NDUFAF5: variants seen among roughly 807,000 people sequenced by gnomAD.
NDUFAF5 encodes the protein NADH:ubiquinone oxidoreductase complex assembly factor 5, also known as arginine-hydroxylase NDUFAF5, mitochondrial.
In NDUFAF5, 34 loss-of-function variants were observed where a neutral mutation model predicts 48.9. The ratio of observed to expected loss-of-function variants is 0.70; its 90% CI spans 0.53 to 0.93. The LOEUF (loss-of-function observed/expected upper bound fraction) is 0.93. NDUFAF5 is among the 40% of genes least tolerant of loss of function. The probability of loss-of-function intolerance (pLI) is 0.00; values close to 1 mark genes in which losing one functional copy is unlikely to be tolerated. For synonymous variants in NDUFAF5, 153 were observed against 150.6 expected (o/e 1.02, Z -0.12); for missense variants, 428 against 427.5 (o/e 1.00, Z -0.01).
chr20:13,788,014 C>G (rs887586378), intron 2 of NDUFAF5, among the ~76,000 whole-genome samples: 3 of 152,042 alleles, frequency 2.0e-5, no homozygotes, highest in African/African-American at 7.2e-5. Context: ...TCAGACTGAC[C>G]GAATTCAAGT....
chr20:13,795,923 A>G (rs1983137266), intron 5 of NDUFAF5, among the ~76,000 whole-genome samples: 2 of 152,254 alleles, frequency 1.3e-5, no homozygotes, highest in Admixed American at 6.5e-5. Context: ...CATGTAATGC[A>G]AGTATATATC....
chr20:13,796,680 TC>T (rs1213514634), intron 5 of NDUFAF5, among the ~76,000 whole-genome samples: 1 of 151,846 alleles, frequency 6.6e-6, no homozygotes, highest in African/African-American at 2.4e-5. Flanking sequence ...GAGAGTAGGG[TC>T]AAAAGAAAAT....
At chr20:13,802,683 A>AAAG (rs11473821) in intron 7 of NDUFAF5, among the ~76,000 whole-genome samples, 24,092 of 149,024 alleles carry the variant, frequency 0.16, 2,650 homozygotes, top group Non-Finnish European at 0.23. Flanking sequence ...AAAAAAAAAA[A>AAAG]AAAAAAAGCA....
At chr20:13,808,810 T>C (rs1388855521) in intron 7 of NDUFAF5, 32 bp from the exon 8 acceptor site, 2 of 1,426,212 alleles carry the variant, frequency 1.4e-6, no homozygotes, top group South Asian at 2.3e-5. Context: ...ATCATGAATG[T>C]CAAATGAATA....
chr20:13,798,226 C>G (rs751121937), intron 5 of NDUFAF5, among the ~76,000 whole-genome samples: 29 of 152,174 alleles, frequency 1.9e-4, no homozygotes, highest in Non-Finnish European at 3.7e-4. Flanking sequence ...CAGATTCTTT[C>G]AGTTACGCAA....
intron 7 of NDUFAF5, among the ~76,000 whole-genome samples, chr20:13,804,950 G>C (rs1984783252): frequency 6.6e-6 from 1 of 152,132 alleles, no homozygotes; most frequent in African/African-American, 2.4e-5. Context: ...TCTTGAGAGA[G>C]CTAATATAAC....
intron 7 of NDUFAF5, among the ~76,000 whole-genome samples, chr20:13,805,958 T>A (rs1984945070): frequency 6.6e-6 from 1 of 152,114 alleles, no homozygotes; most frequent in African/African-American, 2.4e-5. Flanking sequence ...GTGTTCTAAT[T>A]CATTTTCTAA....
In NDUFAF5 at chr20:13,794,825, T is replaced by G. The variant is rs766520303; in HGVS notation, c.376-13T>G. On this transcript the variant is annotated splice_polypyrimidine_tract_variant and intron_variant, in intron 4 of 10. Transcript: ENST00000378106. ...ATAAATGTGATTTTGATCTTTCGTT[T>G]TCTTAACATTAGAAAAATTCCTCAG... The G allele has an allele frequency of 6.7e-7, 1 of 1,501,000 alleles. No homozygotes were observed. The highest frequency in any genetic ancestry group is 9.3e-7 in the Non-Finnish European group (1 of 1,077,772). 93.0% of individuals were successfully genotyped at this position (1,501,000 alleles called of 1,614,324 possible). A position where few individuals can be genotyped will look rare whatever the true frequency, so the allele number is the denominator to read the frequency against.
chr20:13,821,540 C>CTT lies in NDUFAF5; in HGVS notation c.*4331_*4332dup, dbSNP rs1279767258. Reference sequence around the variant, plus strand: ...ACCTAGCTAAGCCACTCTCAAATATCTTATCTACAGAAACTGAGATGATAA... The same window carrying CTT: ...ACCTAGCTAAGCCACTCTCAAATATCTTTTATCTACAGAAACTGAGATGATAA... On this transcript the variant is annotated 3_prime_UTR_variant, in exon 11 of 11. Coordinates refer to ENST00000378106, the MANE Select transcript of NDUFAF5 (RefSeq NM_024120.5). The CTT allele has an allele frequency of 6.6e-6, 1 of 152,226 alleles. No individual in the cohort carries two copies. The highest frequency in any genetic ancestry group is 6.5e-5 in the Admixed American group (1 of 15,282). 9.4% of individuals were successfully genotyped at this position (152,226 alleles called of 1,614,324 possible).
In NDUFAF5 at chr20:13,817,559, G is replaced by A; in HGVS notation, c.*349G>A. The A allele has an allele frequency of 2.1e-6, 1 of 465,296 alleles. No individual in the cohort carries two copies. Among genetic ancestry groups the A allele is most frequent in the South Asian group, 1.5e-5 (1 of 64,578 alleles). 28.8% of individuals were successfully genotyped at this position (465,296 alleles called of 1,614,324 possible). A position where few individuals can be genotyped will look rare whatever the true frequency, so the allele number is the denominator to read the frequency against. On this transcript the variant is annotated 3_prime_UTR_variant, in exon 11 of 11. Transcript: ENST00000378106. ...TTTGTCATACTGTTTTCTTTGCCTT[G>A]AAGAGGAACAGATGAATATGCACCT...
chr20:13,813,156 G>C (rs1363425420), intron 8 of NDUFAF5, among the ~76,000 whole-genome samples: 1 of 152,174 alleles, frequency 6.6e-6, no homozygotes, highest in Non-Finnish European at 1.5e-5. Context: ...CACCATGTTG[G>C]CCAGGCTGGT....
At chr20:13,795,766 C>T (rs575051226) in intron 5 of NDUFAF5, among the ~76,000 whole-genome samples, 41 of 152,276 alleles carry the variant, frequency 2.7e-4, no homozygotes, top group African/African-American at 9.9e-4. Context: ...CTGCAGTGAG[C>T]CATGATCATG....
At chr20:13,816,319 G>A in intron 8 of NDUFAF5, 144 bp from the exon 9 acceptor site, 1 of 714,592 alleles carries the variant, frequency 1.4e-6, no homozygotes, top group Admixed American at 2.0e-5. Context: ...GTTATAATCT[G>A]AAAGTGAAAT....
chr20:13,803,233 G>A (rs1392771448), intron 7 of NDUFAF5: 1 of 152,200 alleles, frequency 6.6e-6, no homozygotes, highest in Non-Finnish European at 1.5e-5. Context: ...GGAGGACTAG[G>A]CTGGGAACTG....
At chr20:13,814,756 G>A (rs1420487469) in intron 8 of NDUFAF5, among the ~76,000 whole-genome samples, 3 of 152,122 alleles carry the variant, frequency 2.0e-5, no homozygotes, top group African/African-American at 7.2e-5. Flanking sequence ...ATTAGGAGGT[G>A]TTACTCTTTT....
chr20:13,785,059 G>A lies in NDUFAF5; in HGVS notation c.-10G>A. ...ACAAAAAGCGCCGGCAATTGGGGTC[G>A]CAGCTGGAGATGCTGCGGCCGGCAG... On this transcript the variant is annotated 5_prime_UTR_variant, in exon 1 of 11. Coordinates refer to ENST00000378106, the MANE Select transcript of NDUFAF5 (RefSeq NM_024120.5). The A allele has an allele frequency of 6.2e-7, 1 of 1,607,546 alleles. No homozygotes were observed. The highest frequency in any genetic ancestry group is 8.5e-7 in the Non-Finnish European group (1 of 1,178,168).
intron 9 of NDUFAF5, 44 bp from the exon 10 acceptor site, chr20:13,816,831 C>A: frequency 7.4e-7 from 1 of 1,351,366 alleles, no homozygotes; most frequent in South Asian, 1.2e-5. Flanking sequence ...GAAATTTTTT[C>A]CTACTTGCAT....
intron 7 of NDUFAF5, among the ~76,000 whole-genome samples, chr20:13,804,197 T>G (rs914842203): frequency 1.2e-4 from 19 of 152,234 alleles, no homozygotes; most frequent in African/African-American, 4.6e-4. Context: ...GTTTCTGCAT[T>G]CAAGTTTCTT....
At chr20:13,799,691 T>C (rs145985462) in intron 6 of NDUFAF5, among the ~76,000 whole-genome samples, 1,878 of 134,224 alleles carry the variant, frequency 0.014, 12 homozygotes, top group Non-Finnish European at 0.019. Context: ...AGAGTGAGAC[T>C]CTGTCTCAAA....
Sources: allele counts gnomAD v4.1 joint callset (sites outside exome capture counted in the v4.1 genomes callset), GRCh38; gene constraint gnomAD v4.1.1; transcripts MANE v1.5; gene names NCBI Gene and HGNC (gene_info 2026-07-23, HGNC 2026-07-21).